The following SLC16A10 variants were observed in gnomAD, a reference collection of about 807,000 sequenced individuals.
The protein encoded by SLC16A10 is solute carrier family 16 member 10, also known as monocarboxylate transporter 10.
A neutral mutation model predicts 40.0 loss-of-function variants in SLC16A10; 27 were observed. That is an observed-to-expected ratio of 0.67 (90% CI 0.50 to 0.93). SLC16A10 has a LOEUF of 0.93. SLC16A10 is among the 40% of genes least tolerant of loss of function. SLC16A10 has a pLI of 0.00. For missense variants in SLC16A10, 529 were observed against 658.2 expected (o/e 0.80, Z 2.15); for synonymous variants, 213 against 249.8 (o/e 0.85, Z 1.39).
chr6:111,123,509 C>T (rs977444152), intron 1 of SLC16A10, among the ~76,000 whole-genome samples: 1 of 152,210 alleles, frequency 6.6e-6, no homozygotes, highest in African/African-American at 2.4e-5. Context: ...AGTCCACTTC[C>T]TCAGTGTCTA....
intron 2 of SLC16A10, among the ~76,000 whole-genome samples, chr6:111,175,088 T>G (rs1772654952): frequency 6.6e-6 from 1 of 152,222 alleles, no homozygotes; most frequent in Admixed American, 6.5e-5. Flanking sequence ...GAGTGTCAAG[T>G]GGCAGGTCCA....
intron 1 of SLC16A10, among the ~76,000 whole-genome samples, chr6:111,114,692 G>GATTTC (rs1198645181): frequency 6.6e-6 from 1 of 152,058 alleles, no homozygotes; most frequent in African/African-American, 2.4e-5. Context: ...AGGGAGGGAG[G>GATTTC]GAAATGGAGG....
At position 111,205,406 on chromosome 6, in the gene SLC16A10, C is replaced by T. The variant is rs72939578; in HGVS notation, c.943-1186C>T. Among the ~76,000 whole-genome samples the T allele has an allele frequency of 8.8e-3, 1,341 of 152,164 alleles. 12 individuals are homozygous for T. The highest frequency in any genetic ancestry group is 0.015 in the Non-Finnish European group (998 of 68,008). Reference sequence around the variant, plus strand: ...TGTCAGGCATTATGGAAAGGTCAAACAAAATATGCTCACTGGCTATCTATG... The same window carrying T: ...TGTCAGGCATTATGGAAAGGTCAAATAAAATATGCTCACTGGCTATCTATG... On this transcript the variant is annotated intron_variant, in intron 3 of 5. Transcript: ENST00000368851.
intron 3 of SLC16A10, among the ~76,000 whole-genome samples, chr6:111,198,547 C>T (rs1773116770): frequency 2.6e-5 from 4 of 152,172 alleles, no homozygotes; most frequent in African/African-American, 9.7e-5. Flanking sequence ...CCTATTGCTC[C>T]TAGGCTACAA....
intron 1 of SLC16A10, among the ~76,000 whole-genome samples, chr6:111,161,580 C>G (rs1158307743): frequency 6.6e-6 from 1 of 152,104 alleles, no homozygotes; most frequent in African/African-American, 2.4e-5. Flanking sequence ...AGTCAGATCT[C>G]CCTCAGAGGC....
intron 1 of SLC16A10, among the ~76,000 whole-genome samples, chr6:111,148,966 T>G (rs1389237898): frequency 6.6e-6 from 1 of 152,168 alleles, no homozygotes; most frequent in Non-Finnish European, 1.5e-5. Flanking sequence ...TGGCCTGATA[T>G]TGATCGTCCA....
At chr6:111,101,557 T>G (rs998337521) in intron 1 of SLC16A10, among the ~76,000 whole-genome samples, 1 of 152,230 alleles carries the variant, frequency 6.6e-6, no homozygotes, top group African/African-American at 2.4e-5. Context: ...TTGCTTCTAA[T>G]TAAATGTTGA....
chr6:111,215,823 A>G (rs1387123401), intron 4 of SLC16A10, among the ~76,000 whole-genome samples: 2 of 152,182 alleles, frequency 1.3e-5, no homozygotes, highest in Non-Finnish European at 2.9e-5. Context: ...TGGGCAACAT[A>G]GTAAGACCCC....
At chr6:111,091,470 A>AGGGT (rs1475484169) in intron 1 of SLC16A10, 1 of 152,244 alleles carries the variant, frequency 6.6e-6, no homozygotes, top group African/African-American at 2.4e-5. Flanking sequence ...ATTAGAAAGA[A>AGGGT]GGGTCCCTGT....
chr6:111,161,949 C>T (rs1252175168), intron 1 of SLC16A10, among the ~76,000 whole-genome samples: 1 of 152,188 alleles, frequency 6.6e-6, no homozygotes, highest in Non-Finnish European at 1.5e-5. Flanking sequence ...ATTTTTACAT[C>T]ACCCATCCCT....
chr6:111,208,759 T>C (rs1023540980), intron 4 of SLC16A10, among the ~76,000 whole-genome samples: 1 of 152,140 alleles, frequency 6.6e-6, no homozygotes, highest in East Asian at 1.9e-4. Flanking sequence ...TTGTAGGGGC[T>C]AGGGAAAGGA....
chr6:111,092,001 A>G (rs1412827143), intron 1 of SLC16A10, among the ~76,000 whole-genome samples: 1 of 152,198 alleles, frequency 6.6e-6, no homozygotes, highest in Non-Finnish European at 1.5e-5. Flanking sequence ...AGGATTTTCA[A>G]TATAACAGGA....
At chr6:111,116,914 C>T (rs1583311438) in intron 1 of SLC16A10, among the ~76,000 whole-genome samples, 1 of 152,134 alleles carries the variant, frequency 6.6e-6, no homozygotes, top group Non-Finnish European at 1.5e-5. Flanking sequence ...GTAGTGCCCC[C>T]TTTGAAGATA....
At chr6:111,147,928 G>C (rs1396755300) in intron 1 of SLC16A10, among the ~76,000 whole-genome samples, 1 of 152,140 alleles carries the variant, frequency 6.6e-6, no homozygotes, top group East Asian at 1.9e-4. Flanking sequence ...TTTCTCTTAC[G>C]TGACTCTGAA....
Position 111,118,887 on chromosome 6 carries a change from A to G in SLC16A10, c.343+30792A>G, listed in dbSNP as rs73765925. 1.7e-3 allele frequency among the ~76,000 whole-genome samples: 256 copies of G among 152,292 alleles called. 3 individuals are homozygous for G. Among genetic ancestry groups the G allele is most frequent in the African/African-American group, 5.6e-3 (234 of 41,538 alleles). On this transcript the variant is annotated intron_variant, in intron 1 of 5. Transcript: ENST00000368851. ...TTCATGCTTATTCAGAAGATTTTGC[A>G]GGATCCTCAGGAAGACAAAGCCAAA... is the stretch of plus-strand genomic sequence containing the variant.
At chr6:111,097,146 T>TTG (rs1771088168) in intron 1 of SLC16A10, among the ~76,000 whole-genome samples, 1 of 151,904 alleles carries the variant, frequency 6.6e-6, no homozygotes, top group African/African-American at 2.4e-5. Flanking sequence ...GTAACTCCCT[T>TTG]TGTCCCCTCT....
At chr6:111,174,677 C>T (rs1772646236) in intron 2 of SLC16A10, among the ~76,000 whole-genome samples, 1 of 152,094 alleles carries the variant, frequency 6.6e-6, no homozygotes, top group Non-Finnish European at 1.5e-5. Context: ...CAGATAGCTT[C>T]TTTGATCTGG....
intron 3 of SLC16A10, among the ~76,000 whole-genome samples, chr6:111,179,379 A>G (rs1284262159): frequency 2.0e-5 from 3 of 152,262 alleles, no homozygotes; most frequent in African/African-American, 7.2e-5. Flanking sequence ...TATTGTTAAT[A>G]GAGACGTTAA....
At chr6:111,101,917 G>T (rs1051276581) in intron 1 of SLC16A10, among the ~76,000 whole-genome samples, 3 of 152,198 alleles carry the variant, frequency 2.0e-5, no homozygotes, top group African/African-American at 7.2e-5. Flanking sequence ...CACTGGGCCT[G>T]GCAGAATTAT....
Sources: gnomAD v4.1 joint callset for allele counts (sites outside exome capture counted in the v4.1 genomes callset) on GRCh38, gnomAD v4.1.1 for gene constraint, MANE v1.5 for transcripts, NCBI Gene and HGNC (gene_info 2026-07-23, HGNC 2026-07-21) for gene names.